Variants in GNA14 observed in about 807,000 individuals in gnomAD.
The protein encoded by GNA14 is guanine nucleotide-binding protein subunit alpha-14.
In GNA14, 50 loss-of-function variants were observed where a neutral mutation model predicts 42.0. The observed-to-expected ratio is 1.19, with a 90% confidence interval of 0.95 to 1.51. The LOEUF is 1.51. Ranked by LOEUF, GNA14 falls within the 40% of genes most tolerant of loss-of-function variation. GNA14 has a pLI of 0.00. For missense variants in GNA14, 473 were observed against 446.2 expected, an observed-to-expected ratio of 1.06 and a Z score of -0.54; for synonymous variants, 173 against 163.1, an observed-to-expected ratio of 1.06 and a Z score of -0.46.
At chr9:77,457,045 G>C (rs906038615) in intron 2 of GNA14, among the ~76,000 whole-genome samples, 1 of 152,178 alleles carries the variant, frequency 6.6e-6, no homozygotes, top group East Asian at 1.9e-4. Context: ...TTCCACAATT[G>C]CAAGCCCATT....
chr9:77,515,972 A>AAAAAAAAAAAAC (rs1837250949), intron 2 of GNA14, among the ~76,000 whole-genome samples: 1 of 146,812 alleles, frequency 6.8e-6, no homozygotes, highest in African/African-American at 2.5e-5. Context: ...AAAAAAAAAA[A>AAAAAAAAAAAAC]AAAAAAAAAA....
At chr9:77,485,590 T>C (rs1264811675) in intron 2 of GNA14, among the ~76,000 whole-genome samples, 1 of 152,178 alleles carries the variant, frequency 6.6e-6, no homozygotes, top group Non-Finnish European at 1.5e-5. Flanking sequence ...GAGAAGTCAC[T>C]ATCTATGACA....
chr9:77,549,555 C>T (rs1002522200), intron 1 of GNA14, among the ~76,000 whole-genome samples: 4 of 152,186 alleles, frequency 2.6e-5, no homozygotes, highest in African/African-American at 4.8e-5. Flanking sequence ...TGGTCTCCCC[C>T]ACAACTAGAT....
At chr9:77,592,278 T>C (rs1355768870) in intron 1 of GNA14, among the ~76,000 whole-genome samples, 3 of 152,164 alleles carry the variant, frequency 2.0e-5, no homozygotes, top group East Asian at 3.9e-4. Flanking sequence ...TGTGAACTAA[T>C]AACTGTGTAA....
chr9:77,506,283 TA>T (rs199978059), intron 2 of GNA14, among the ~76,000 whole-genome samples: 1,540 of 126,722 alleles, frequency 0.012, 5 homozygotes, highest in Middle Eastern at 0.021. Flanking sequence ...CCCTGTCTCT[TA>T]AAAAAAAAAA....
At chr9:77,429,930 C>T (rs1835517023) in intron 4 of GNA14, among the ~76,000 whole-genome samples, 1 of 151,760 alleles carries the variant, frequency 6.6e-6, no homozygotes, top group South Asian at 2.1e-4. Flanking sequence ...ATCACCACCC[C>T]ACCACACACA....
intron 2 of GNA14, among the ~76,000 whole-genome samples, chr9:77,497,470 C>A (rs1326302252): frequency 6.6e-6 from 1 of 152,172 alleles, no homozygotes; most frequent in Non-Finnish European, 1.5e-5. Flanking sequence ...GAAGACACCA[C>A]ATCCCTGAGC....
chr9:77,544,940 C>T (rs888367078), intron 1 of GNA14, among the ~76,000 whole-genome samples: 1 of 152,116 alleles, frequency 6.6e-6, no homozygotes, highest in African/African-American at 2.4e-5. Flanking sequence ...AGTAATCTAA[C>T]ACTACAGCAG....
At chr9:77,468,436 G>A (rs750053465) in intron 2 of GNA14, among the ~76,000 whole-genome samples, 18 of 152,120 alleles carry the variant, frequency 1.2e-4, no homozygotes, top group Admixed American at 3.9e-4. Flanking sequence ...TACACAGGTC[G>A]ATTTAATTCT....
At chr9:77,459,241 AAAAAAAG>A (rs1836063811) in intron 2 of GNA14, among the ~76,000 whole-genome samples, 4 of 70,196 alleles carry the variant, frequency 5.7e-5, no homozygotes, top group African/African-American at 2.0e-4. Context: ...GTCTCAGGGA[AAAAAAAG>A]AAAAAAAAGA....
Position 77,582,361 on chromosome 9 carries a change from A to T in GNA14, c.125-53108T>A, listed in dbSNP as rs570023200. On this transcript the variant is annotated intron_variant, in intron 1 of 6. Transcript: ENST00000341700. ...TCCACCTTCATCCCTATCCTCTACAACTTTACCAACCTCTCCCCCTCCCCT... is the reference window on the plus strand; with the variant it reads ...TCCACCTTCATCCCTATCCTCTACATCTTTACCAACCTCTCCCCCTCCCCT... Among the ~76,000 whole-genome samples, 8 of 152,028 alleles carry T rather than the reference A, an allele frequency of 5.3e-5. No individual in the cohort carries two copies. The East Asian group carries it at 7.8e-4, about 15-fold the overall frequency.
At chr9:77,575,550 AT>A (rs907116957) in intron 1 of GNA14, among the ~76,000 whole-genome samples, 7 of 152,086 alleles carry the variant, frequency 4.6e-5, no homozygotes, top group African/African-American at 7.2e-5. Flanking sequence ...TTACTTGAAG[AT>A]TTTTTTTAAA....
intron 1 of GNA14, among the ~76,000 whole-genome samples, chr9:77,620,086 GCACACACACACACGTGCA>G (rs942845489): frequency 7.3e-5 from 11 of 151,576 alleles, no homozygotes; most frequent in African/African-American, 1.9e-4. Flanking sequence ...ACGTGTGTGT[GCACACACACACACGTGCA>G]CACACACACA....
chr9:77,592,017 C>A (rs1307788910), intron 1 of GNA14, among the ~76,000 whole-genome samples: 1 of 151,440 alleles, frequency 6.6e-6, no homozygotes, highest in African/African-American at 2.4e-5. Context: ...CGGGTTCATG[C>A]CATTCTCCTG....
intron 2 of GNA14, among the ~76,000 whole-genome samples, chr9:77,509,232 C>T (rs1440710310): frequency 6.6e-6 from 1 of 152,228 alleles, no homozygotes; most frequent in Non-Finnish European, 1.5e-5. Flanking sequence ...GCTTACATCA[C>T]TGAGCATACT....
chr9:77,474,362 A>G (rs1587784131), intron 2 of GNA14, among the ~76,000 whole-genome samples: 1 of 150,530 alleles, frequency 6.6e-6, no homozygotes, highest in East Asian at 2.0e-4. Context: ...CATTTCTACA[A>G]AGAAGATACA....
intron 2 of GNA14, among the ~76,000 whole-genome samples, chr9:77,519,324 T>C (rs1837312635): frequency 1.3e-5 from 2 of 151,906 alleles, no homozygotes; most frequent in African/African-American, 4.8e-5. Context: ...GGCAGTAGAA[T>C]CACTTGAACC....
chr9:77,425,760 T>A, intron 5 of GNA14, 45 bp from the exon 6 acceptor site: 1 of 1,456,494 alleles, frequency 6.9e-7, no homozygotes, highest in Non-Finnish European at 9.4e-7. Flanking sequence ...AAAGGAAATA[T>A]TTTGGAAACA....
chr9:77,490,446 CG>C (rs1836749611), intron 2 of GNA14, among the ~76,000 whole-genome samples: 1 of 152,190 alleles, frequency 6.6e-6, no homozygotes, highest in South Asian at 2.1e-4. Flanking sequence ...CAGCATTCGT[CG>C]GGGAGGCTCA....
Sources: allele counts gnomAD v4.1 joint callset (sites outside exome capture counted in the v4.1 genomes callset), GRCh38; gene constraint gnomAD v4.1.1; transcripts MANE v1.5; gene names NCBI Gene and HGNC (gene_info 2026-07-23, HGNC 2026-07-21).